The following FRMD3 variants were observed in gnomAD, a reference collection of about 807,000 sequenced individuals.
FRMD3 encodes the protein FERM domain containing 3.
Under a neutral mutation model 70.2 loss-of-function variants are expected in FRMD3, and 33 were observed. The observed-to-expected ratio is 0.47, with a 90% CI of 0.36 to 0.63. The LOEUF (loss-of-function observed/expected upper bound fraction) is 0.63. FRMD3 is among the 20% of genes least tolerant of loss of function. The pLI is 0.00. For synonymous variants in FRMD3, 279 were observed against 255.9 expected (o/e 1.09, Z -0.86); for missense variants, 632 against 711.4 (o/e 0.89, Z 1.27).
chr9:83,566,548 AGACCCTTC>A, the FRMD3 span, among the ~76,000 whole-genome samples: 1 of 152,180 alleles, frequency 6.6e-6, no homozygotes. Context: ...AGACAAAGTA[AGACCCTTC>A]CACCTATGAG....
chr9:83,578,797 T>G, the FRMD3 span, among the ~76,000 whole-genome samples: 1 of 151,862 alleles, frequency 6.6e-6, no homozygotes, highest in East Asian at 1.9e-4. Context: ...CTTTTCAACA[T>G]AATACTGGAA....
chr9:83,532,631 GCA>G (rs138470951), intron 1 of FRMD3, among the ~76,000 whole-genome samples: 2,974 of 150,238 alleles, frequency 0.02, 100 homozygotes, highest in African/African-American at 0.066. Context: ...ACATGTGCAT[GCA>G]CACACACACA....
At chr9:83,552,736 C>T in the FRMD3 span, among the ~76,000 whole-genome samples, 14 of 152,040 alleles carry the variant, frequency 9.2e-5, no homozygotes, top group Admixed American at 4.6e-4. Flanking sequence ...TAATGCCTTT[C>T]TTTGTCTTTT....
At chr9:83,357,143 T>C (rs1824373583) in intron 3 of FRMD3, among the ~76,000 whole-genome samples, 1 of 143,498 alleles carries the variant, frequency 7.0e-6, no homozygotes, top group Non-Finnish European at 1.5e-5. Flanking sequence ...ATATATATTA[T>C]GTATATATAT....
the FRMD3 span, among the ~76,000 whole-genome samples, chr9:83,562,781 A>G: frequency 6.6e-6 from 1 of 152,196 alleles, no homozygotes. Flanking sequence ...GAATTATGGA[A>G]TGTCAGAATT....
chr9:83,407,503 T>C (rs564491109), intron 1 of FRMD3, among the ~76,000 whole-genome samples: 3 of 152,112 alleles, frequency 2.0e-5, no homozygotes, highest in Non-Finnish European at 4.4e-5. Context: ...GGCTCCACAA[T>C]CCCTACCCTC....
chr9:83,515,563 G>T (rs887103853), intron 1 of FRMD3, among the ~76,000 whole-genome samples: 1 of 152,170 alleles, frequency 6.6e-6, no homozygotes, highest in Non-Finnish European at 1.5e-5. Flanking sequence ...TTATCCAGGA[G>T]AACTTCCCCA....
chr9:83,471,586 A>C (rs868755618), intron 1 of FRMD3, among the ~76,000 whole-genome samples: 60 of 152,152 alleles, frequency 3.9e-4, no homozygotes, highest in African/African-American at 1.2e-3. Flanking sequence ...CACACAAAGG[A>C]AGAGAGAGCA....
the FRMD3 span, among the ~76,000 whole-genome samples, chr9:83,552,547 C>A: frequency 5.9e-5 from 9 of 152,038 alleles, no homozygotes; most frequent in Admixed American, 5.9e-4. Flanking sequence ...CTGCCTCAAT[C>A]TAATACTGTC....
intron 6 of FRMD3, among the ~76,000 whole-genome samples, chr9:83,325,034 T>A (rs1835957310): frequency 1.3e-5 from 2 of 152,344 alleles, no homozygotes; most frequent in South Asian, 2.1e-4. Flanking sequence ...GCAAGGCAGA[T>A]GGAACTGGAG....
At chr9:83,503,293 A>G (rs1463996250) in intron 1 of FRMD3, among the ~76,000 whole-genome samples, 1 of 152,226 alleles carries the variant, frequency 6.6e-6, no homozygotes, top group East Asian at 1.9e-4. Flanking sequence ...AGCTTTCTCC[A>G]GCTGACGACA....
At chr9:83,507,580 G>A (rs1462147859) in intron 1 of FRMD3, among the ~76,000 whole-genome samples, 1 of 141,488 alleles carries the variant, frequency 7.1e-6, no homozygotes, top group African/African-American at 2.6e-5. Context: ...TGAGGCAGGA[G>A]AATGGCATGA....
chr9:83,453,417 T>C (rs1017179957), intron 1 of FRMD3, among the ~76,000 whole-genome samples: 1 of 152,162 alleles, frequency 6.6e-6, no homozygotes, highest in African/African-American at 2.4e-5. Flanking sequence ...AACTCTGCCC[T>C]GTCCAATAGG....
At chr9:83,306,740 T>C (rs1439342723) in intron 10 of FRMD3, among the ~76,000 whole-genome samples, 1 of 152,204 alleles carries the variant, frequency 6.6e-6, no homozygotes, top group African/African-American at 2.4e-5. Flanking sequence ...AAAAAGTTCC[T>C]ACCCTCAGAG....
chr9:83,292,664 T>C (rs890618511), intron 12 of FRMD3, among the ~76,000 whole-genome samples: 1 of 152,118 alleles, frequency 6.6e-6, no homozygotes, highest in Non-Finnish European at 1.5e-5. Context: ...TTTTATTTTT[T>C]TGAGACGGAG....
chr9:83,259,339 T>C (rs1479736948), intron 13 of FRMD3, among the ~76,000 whole-genome samples: 1 of 152,168 alleles, frequency 6.6e-6, no homozygotes, highest in African/African-American at 2.4e-5. Context: ...AGGGAAGATC[T>C]TTGCTGAGGA....
intron 6 of FRMD3, among the ~76,000 whole-genome samples, chr9:83,327,770 C>A (rs915750183): frequency 1.3e-5 from 2 of 152,088 alleles, no homozygotes; most frequent in Non-Finnish European, 2.9e-5. Flanking sequence ...CAGATGGGTT[C>A]AAAAAATATG....
chr9:83,522,029 G>A (rs1341516458), intron 1 of FRMD3, among the ~76,000 whole-genome samples: 3 of 152,248 alleles, frequency 2.0e-5, no homozygotes, highest in Middle Eastern at 6.8e-3. Flanking sequence ...CAGGAGACAC[G>A]CTGAGGGTGA....
At chr9:83,340,721 A>C (rs1010516610) in intron 5 of FRMD3, among the ~76,000 whole-genome samples, 1 of 152,160 alleles carries the variant, frequency 6.6e-6, no homozygotes, top group Non-Finnish European at 1.5e-5. Context: ...TGCTCGTTGG[A>C]TTCAGTATGT....
Sources: allele counts gnomAD v4.1 joint callset (sites outside exome capture counted in the v4.1 genomes callset), GRCh38; gene constraint gnomAD v4.1.1; transcripts MANE v1.5; gene names NCBI Gene and HGNC (gene_info 2026-07-23, HGNC 2026-07-21).